The following RERE variants were observed in gnomAD, a reference collection of about 807,000 sequenced individuals.
The protein encoded by RERE is arginine-glutamic acid dipeptide repeats protein.
Under a neutral mutation model 146.1 loss-of-function variants are expected in RERE, and 40 were observed. The observed-to-expected ratio is 0.27, with a 90% CI of 0.21 to 0.36. RERE has a LOEUF of 0.36. RERE is among the 10% of genes least tolerant of loss of function. The probability of loss-of-function intolerance (pLI) is 1.00; values close to 1 mark genes in which losing one functional copy is unlikely to be tolerated. For missense variants in RERE, 1,933 were observed against 2,138.7 expected (o/e 0.90, Z 1.90); for synonymous variants, 1,003 against 866.0 (o/e 1.16, Z -2.78).
At chr1:8,360,071 CCA>C (rs776697105) in intron 18 of RERE, 39 bp downstream of exon 18, 235 of 1,584,356 alleles carry the variant, frequency 1.5e-4, no homozygotes, top group Non-Finnish European at 2.0e-4. Context: ...CCCCACCAGC[CCA>C]CCTGTGCCTG....
chr1:8,520,766 A>ACAAAAAC (rs1645485587), intron 7 of RERE, among the ~76,000 whole-genome samples: 1 of 150,298 alleles, frequency 6.7e-6, no homozygotes, highest in Non-Finnish European at 1.5e-5. Flanking sequence ...AAAAAAAAAA[A>ACAAAAAC]AAAAAAAAAA....
At chr1:8,805,227 G>T (rs1457070993) in intron 1 of RERE, among the ~76,000 whole-genome samples, 1 of 151,836 alleles carries the variant, frequency 6.6e-6, no homozygotes, top group African/African-American at 2.4e-5. Context: ...AACTCATTTT[G>T]GGGGGCCAGG....
chr1:8,488,811 T>C (rs970487457), intron 10 of RERE, among the ~76,000 whole-genome samples: 1 of 152,044 alleles, frequency 6.6e-6, no homozygotes, highest in African/African-American at 2.4e-5. Flanking sequence ...ATGAGAAAAG[T>C]TTTTCCAACC....
intron 1 of RERE, among the ~76,000 whole-genome samples, chr1:8,811,709 A>C (rs1465205592): frequency 6.6e-6 from 1 of 152,152 alleles, no homozygotes; most frequent in Non-Finnish European, 1.5e-5. Flanking sequence ...CGTGAGCTAG[A>C]ATGGGTTTTT....
chr1:8,419,056 C>T (rs556973482), intron 12 of RERE, among the ~76,000 whole-genome samples: 21 of 152,158 alleles, frequency 1.4e-4, no homozygotes, highest in Non-Finnish European at 2.9e-4. Flanking sequence ...AATGCTCCAC[C>T]CGTATTCCTG....
Position 8,733,449 on chromosome 1 carries a change from T to C in RERE, c.-144-77008A>G, listed in dbSNP as rs1388510695. On this transcript the variant is annotated intron_variant, in intron 1 of 22. Coordinates refer to ENST00000400908, the MANE Select transcript of RERE (RefSeq NM_001042681.2). ...TATTCAAACTCTTGACAATAATGTCTTCCAAGGCTACGTCATAAAAGACAT... is the reference window on the plus strand; with the variant it reads ...TATTCAAACTCTTGACAATAATGTCCTCCAAGGCTACGTCATAAAAGACAT... Among the ~76,000 whole-genome samples the C allele has an allele frequency of 2.0e-5, 3 of 152,258 alleles. No homozygotes were observed. In the East Asian group the frequency reaches 5.8e-4, roughly 29 times the overall value.
intron 1 of RERE, among the ~76,000 whole-genome samples, chr1:8,678,615 T>C (rs1638896882): frequency 6.6e-6 from 1 of 151,434 alleles, no homozygotes; most frequent in South Asian, 2.1e-4. Context: ...GAGGCGGAGG[T>C]TGCAGGGAGG....
At chr1:8,723,948 G>A (rs1557504132) in intron 1 of RERE, among the ~76,000 whole-genome samples, 1 of 152,128 alleles carries the variant, frequency 6.6e-6, no homozygotes, top group Non-Finnish European at 1.5e-5. Flanking sequence ...TCCCTTAAAT[G>A]AAGCTCTTAT....
chr1:8,567,757 T>G (rs559460646), intron 4 of RERE, among the ~76,000 whole-genome samples: 1 of 152,322 alleles, frequency 6.6e-6, no homozygotes, highest in South Asian at 2.1e-4. Context: ...TTGGGAATAT[T>G]TGTACTTCTT....
chr1:8,657,305 T>G, intron 1 of RERE, among the ~76,000 whole-genome samples: 1 of 29,874 alleles, frequency 3.3e-5, no homozygotes, highest in Non-Finnish European at 6.2e-5. Flanking sequence ...AGACTCCGTC[T>G]CAAAAAAAAA....
At chr1:8,531,727 T>C (rs1388454318) in intron 7 of RERE, among the ~76,000 whole-genome samples, 1 of 152,246 alleles carries the variant, frequency 6.6e-6, no homozygotes, top group Non-Finnish European at 1.5e-5. Flanking sequence ...AAATTCATTC[T>C]ACAATTAATT....
chr1:8,597,155 G>A (rs777574914), intron 4 of RERE, among the ~76,000 whole-genome samples: 2 of 150,464 alleles, frequency 1.3e-5, no homozygotes, highest in Non-Finnish European at 2.9e-5. Context: ...TGGCGTGATC[G>A]TGGCTCACTG....
At chr1:8,611,838 A>T (rs1325395976) in intron 4 of RERE, among the ~76,000 whole-genome samples, 1 of 152,122 alleles carries the variant, frequency 6.6e-6, no homozygotes, top group East Asian at 1.9e-4. Flanking sequence ...TTCTATGTAA[A>T]TCAGCTGGCG....
intron 11 of RERE, among the ~76,000 whole-genome samples, chr1:8,445,695 T>A (rs548354751): frequency 1.3e-5 from 2 of 152,124 alleles, no homozygotes; most frequent in Admixed American, 1.3e-4. Flanking sequence ...TTTTTTTTTT[T>A]ATGTTCGGGG....
At chr1:8,647,410 A>T (rs1394203935) in intron 2 of RERE, among the ~76,000 whole-genome samples, 2 of 152,042 alleles carry the variant, frequency 1.3e-5, no homozygotes, top group African/African-American at 4.8e-5. Flanking sequence ...GTGCAACTGA[A>T]TTTGTCACAT....
intron 19 of RERE, among the ~76,000 whole-genome samples, chr1:8,359,489 GAGA>G (rs567810091): frequency 6.6e-6 from 1 of 152,230 alleles, no homozygotes; most frequent in Non-Finnish European, 1.5e-5. Flanking sequence ...AAGGCTGCAG[GAGA>G]AGGACAGGCC....
intron 3 of RERE, among the ~76,000 whole-genome samples, chr1:8,618,025 A>G (rs1178455613): frequency 1.3e-5 from 2 of 152,218 alleles, no homozygotes; most frequent in Non-Finnish European, 1.5e-5. Context: ...AACTACTACT[A>G]AAGTTTTTTA....
rs184481977 is a variant in RERE at position 8,552,285 on chromosome 1, T to A, written c.725+4190A>T. 9.8e-4 allele frequency among the ~76,000 whole-genome samples: 150 copies of A among 152,308 alleles called. 1 individual carries two copies. Among genetic ancestry groups the A allele is most frequent in the Admixed American group, 1.6e-3 (25 of 15,296 alleles). On this transcript the variant is annotated intron_variant, in intron 6 of 22. Transcript: ENST00000400908. Reference sequence around the variant, plus strand: ...CCAGCTTGAAAGCAAACCTTATACATCAGTTTCCTCCTGAGTGAATGGAAT... The same window carrying A: ...CCAGCTTGAAAGCAAACCTTATACAACAGTTTCCTCCTGAGTGAATGGAAT...
chr1:8,731,745 T>C (rs187851928), intron 1 of RERE, among the ~76,000 whole-genome samples: 1 of 151,800 alleles, frequency 6.6e-6, no homozygotes, highest in East Asian at 1.9e-4. Flanking sequence ...TGAAGCACAG[T>C]ATGGCATTTT....
Sources: allele counts gnomAD v4.1 joint callset (sites outside exome capture counted in the v4.1 genomes callset), GRCh38; gene constraint gnomAD v4.1.1; transcripts MANE v1.5; gene names NCBI Gene and HGNC (gene_info 2026-07-23, HGNC 2026-07-21).